FIGN: variants seen among roughly 807,000 people sequenced by gnomAD.
The protein encoded by FIGN is fidgetin, microtubule severing factor.
A neutral mutation model predicts 51.3 loss-of-function variants in FIGN; 11 were observed. That is an observed-to-expected ratio of 0.21 (90% CI 0.13 to 0.35). FIGN has a LOEUF of 0.35. Among genes scored for constraint, FIGN ranks in the 10% least tolerant of loss-of-function variants. The pLI, the probability that FIGN is intolerant of heterozygous loss-of-function variation, is 1.00. For missense variants in FIGN, 857 were observed against 943.6 expected (o/e 0.91, Z 1.20); for synonymous variants, 407 against 363.2 (o/e 1.12, Z -1.37).
At chr2:163,699,100 G>GGA (rs1301273116) in intron 2 of FIGN, among the ~76,000 whole-genome samples, 1 of 151,996 alleles carries the variant, frequency 6.6e-6, no homozygotes, top group Non-Finnish European at 1.5e-5. Context: ...AATAAATGAG[G>GGA]GAAAGCACAC....
rs552920120 is a variant in FIGN at position 163,683,575 on chromosome 2, A to G, written c.25+51328T>C. Among the ~76,000 whole-genome samples the G allele has an allele frequency of 3.9e-5, 6 of 152,300 alleles. No homozygotes were observed. In the South Asian group the frequency reaches 1.2e-3, roughly 32 times the overall value. ...AGAAGGAGTCAAAAATAGCATTCCA[A>G]TTTGTAAATCCAATATGGTACTACA... On this transcript the variant is annotated intron_variant, in intron 2 of 2. Transcript: ENST00000333129.
Position 163,603,322 on chromosome 2 carries a change from T to C in FIGN, c.*6230A>G, listed in dbSNP as rs961527273. The C allele has an allele frequency of 4.6e-5, 7 of 152,134 alleles. No individual in the cohort carries two copies. The highest frequency in any genetic ancestry group is 3.2e-3 in the Middle Eastern group (1 of 316). 9.4% of individuals were successfully genotyped at this position (152,134 alleles called of 1,614,324 possible). A position where few individuals can be genotyped will look rare whatever the true frequency, so the allele number is the denominator to read the frequency against. On this transcript the variant is annotated 3_prime_UTR_variant, in exon 3 of 3. Coordinates refer to ENST00000333129, the MANE Select transcript of FIGN (RefSeq NM_018086.4). ...CATGTACTATATAGGGCTTTTCTTC[T>C]TTCAAGGGGTCAAAATCTGGTCAAA... is the stretch of plus-strand genomic sequence containing the variant.
chr2:163,613,891 T>A (rs1682822314), intron 2 of FIGN, among the ~76,000 whole-genome samples: 1 of 152,224 alleles, frequency 6.6e-6, no homozygotes, highest in African/African-American at 2.4e-5. Context: ...TAAGTCTGAA[T>A]GCTGCACAGT....
intron 2 of FIGN, among the ~76,000 whole-genome samples, chr2:163,618,278 A>C (rs554576146): frequency 6.6e-6 from 1 of 152,174 alleles, no homozygotes; most frequent in Non-Finnish European, 1.5e-5. Flanking sequence ...TCAAAATAAG[A>C]TATTCTAATT....
rs968452067 is a variant in FIGN, at chr2:163,735,995, T to C, written c.-303A>G. The C allele has an allele frequency of 1.3e-5, 2 of 152,678 alleles. No homozygotes were observed. Among genetic ancestry groups the C allele is most frequent in the African/African-American group, 4.8e-5 (2 of 41,464 alleles). The allele number at this position is 152,678 out of a possible 1,614,324, so 9.5% of individuals were successfully genotyped here. On this transcript the variant is annotated 5_prime_UTR_variant, in exon 1 of 3. Coordinates refer to ENST00000333129, the MANE Select transcript of FIGN (RefSeq NM_018086.4). ...ACTGCAGCCTCTGCCATGTTGGAAT[T>C]TCAAACCCAAAACAGCTGCTTGGAA...
intron 2 of FIGN, among the ~76,000 whole-genome samples, chr2:163,632,102 T>C (rs1683154129): frequency 6.6e-6 from 1 of 152,132 alleles, no homozygotes; most frequent in Admixed American, 6.5e-5. Context: ...GAACTGAGAT[T>C]GTGCCATTAC....
In FIGN at chr2:163,610,175, A is replaced by G. The variant is rs895424443; in HGVS notation, c.1657T>C (p.Ser553Pro). The G allele has an allele frequency of 6.2e-7, 1 of 1,614,122 alleles. No individual in the cohort carries two copies. The highest frequency in any genetic ancestry group is 1.3e-5 in the African/African-American group (1 of 75,030). The change falls in exon 3 of 3, where the codon TCT becomes CCT. Residue 553 changes from serine to proline, a missense_variant. Transcript: ENST00000333129. ...CCTAACCACTTGGCGACTAGTCCAG[A>G]ACCGGCAATTTTGAAAAATGTGGCC... is the stretch of plus-strand genomic sequence containing the variant. ...LGATFFKIAG[S>P]GLVAKWLGEA...
At chr2:163,679,220 G>A (rs115858358) in intron 2 of FIGN, among the ~76,000 whole-genome samples, 3,487 of 152,038 alleles carry the variant, frequency 0.023, 131 homozygotes, top group African/African-American at 0.079. Flanking sequence ...GAGGCTGGGC[G>A]TGGCGACTCA....
chr2:163,671,203 T>C (rs1683869898), intron 2 of FIGN, among the ~76,000 whole-genome samples: 2 of 152,210 alleles, frequency 1.3e-5, no homozygotes, highest in South Asian at 4.1e-4. Flanking sequence ...ATCCATTTGC[T>C]ACACTCTCTC....
chr2:163,660,856 TAC>T (rs1683661342), intron 2 of FIGN, among the ~76,000 whole-genome samples: 1 of 45,922 alleles, frequency 2.2e-5, no homozygotes, highest in East Asian at 7.7e-4. Flanking sequence ...TATATATGTA[TAC>T]ATATATATAT....
chr2:163,725,744 G>T (rs1684828987), intron 2 of FIGN, among the ~76,000 whole-genome samples: 1 of 151,680 alleles, frequency 6.6e-6, no homozygotes, highest in African/African-American at 2.4e-5. Flanking sequence ...AACAAAAAAG[G>T]CATTATTGCA....
intron 1 of FIGN, 128 bp from the exon 2 acceptor site, chr2:163,735,200 A>G (rs905729266): frequency 4.4e-6 from 2 of 456,282 alleles, no homozygotes; most frequent in Non-Finnish European, 7.8e-6. Flanking sequence ...ACTCACTCCC[A>G]TTGAAACTAA....
At chr2:163,710,676 C>T (rs924605654) in intron 2 of FIGN, among the ~76,000 whole-genome samples, 21 of 152,036 alleles carry the variant, frequency 1.4e-4, no homozygotes, top group African/African-American at 4.8e-4. Context: ...TTATTTAGTG[C>T]CAATTTTAAC....
chr2:163,687,730 T>C (rs1302841264), intron 2 of FIGN, among the ~76,000 whole-genome samples: 2 of 152,236 alleles, frequency 1.3e-5, no homozygotes, highest in Admixed American at 1.3e-4. Context: ...TTAAAGTATA[T>C]ATTTTTTATC....
At chr2:163,676,435 AT>A (rs1343731266) in intron 2 of FIGN, among the ~76,000 whole-genome samples, 1 of 5,988 alleles carries the variant, frequency 1.7e-4, no homozygotes, top group African/African-American at 1.2e-3. Flanking sequence ...GATTCCTGGA[AT>A]ATATATATAT....
intron 2 of FIGN, among the ~76,000 whole-genome samples, chr2:163,694,315 T>C (rs749610996): frequency 9.2e-5 from 14 of 152,232 alleles, no homozygotes; most frequent in East Asian, 1.9e-4. Flanking sequence ...CACTGGATTA[T>C]ACAGTTAAAT....
chr2:163,645,728 C>G (rs543069953), intron 2 of FIGN, among the ~76,000 whole-genome samples: 1 of 152,170 alleles, frequency 6.6e-6, no homozygotes, highest in African/African-American at 2.4e-5. Context: ...TAGCTAGCCT[C>G]GCTCACATTA....
At chr2:163,669,835 T>C (rs1683847087) in intron 2 of FIGN, among the ~76,000 whole-genome samples, 1 of 152,134 alleles carries the variant, frequency 6.6e-6, no homozygotes, top group South Asian at 2.1e-4. Context: ...TCTCTTCTAA[T>C]TGCTGAGGAC....
chr2:163,610,977 T>A lies in FIGN; in HGVS notation c.855A>T (p.Leu285=), dbSNP rs2231903. Residue 285 remains leucine (L), a synonymous_variant, in exon 3 of 3, where the codon CTA becomes CTT. Transcript: ENST00000333129. ...LPSGIPAPTP[L]PPTTVPGYTY... Reference sequence around the variant, plus strand: ...TGTAGCCAGGAACAGTGGTGGGGGGTAGGGGGGTGGGAGCAGGAATTCCTG... The same window carrying A: ...TGTAGCCAGGAACAGTGGTGGGGGGAAGGGGGGTGGGAGCAGGAATTCCTG... 17,393 of 1,603,332 alleles carry A rather than the reference T, an allele frequency of 0.011. 1,504 individuals are homozygous for A. The African/African-American group carries it at 0.2, about 19-fold the overall frequency.
Sources: allele counts gnomAD v4.1 joint callset (sites outside exome capture counted in the v4.1 genomes callset), GRCh38; gene constraint gnomAD v4.1.1; transcripts MANE v1.5; gene names NCBI Gene and HGNC (gene_info 2026-07-23, HGNC 2026-07-21).